ORC1: variants seen among roughly 807,000 people sequenced by gnomAD.
ORC1 encodes origin recognition complex subunit 1, also known as origin recognition complex, subunit 1 homolog.
In ORC1, 61 loss-of-function variants were observed where a neutral mutation model predicts 98.9. The ratio of observed to expected loss-of-function variants is 0.62; its 90% CI spans 0.50 to 0.76. ORC1 has a LOEUF of 0.76. ORC1 is among the 30% of genes least tolerant of loss of function. ORC1 has a pLI of 0.00. For missense variants in ORC1, 979 were observed against 1,072.2 expected, an observed-to-expected ratio of 0.91 and a Z score of 1.21; for synonymous variants, 385 against 406.9, an observed-to-expected ratio of 0.95 and a Z score of 0.65.
chr1:52,400,956 C>T (rs1447652429), intron 3 of ORC1, among the ~76,000 whole-genome samples: 1 of 152,214 alleles, frequency 6.6e-6, no homozygotes, highest in Non-Finnish European at 1.5e-5. Flanking sequence ...ATCCAACTTA[C>T]CTCTTCACTT....
At chr1:52,373,723 T>A (rs1646962884) in intron 16 of ORC1, among the ~76,000 whole-genome samples, 1 of 152,242 alleles carries the variant, frequency 6.6e-6, no homozygotes, top group African/African-American at 2.4e-5. Context: ...TCACTGGTGA[T>A]ACAAATAGTC....
chr1:52,373,380 A>G lies in ORC1; in HGVS notation c.2392-5T>C. 6.2e-7 allele frequency: 1 copy of G among 1,612,204 alleles called. No homozygotes were observed. Among genetic ancestry groups the G allele is most frequent in the Non-Finnish European group, 8.5e-7 (1 of 1,178,436 alleles). ...TGCCACATGTTGACTATATATCTAG[A>G]CACAAATAGCAAGGCAAAGGTTAAG... On this transcript the variant is annotated splice_region_variant and splice_polypyrimidine_tract_variant and intron_variant, in intron 16 of 16. Coordinates refer to ENST00000371568, the MANE Select transcript of ORC1 (RefSeq NM_004153.4).
In ORC1 at chr1:52,385,221, T is replaced by TCCCGACAGGGAAGAGACTCAGGTACAGCA; in HGVS notation, c.1494_1522dup (p.Glu508ValfsTer50). 6.2e-7 allele frequency: 1 copy of TCCCGACAGGGAAGAGACTCAGGTACAGCA among 1,614,056 alleles called. No individual in the cohort carries two copies. Among genetic ancestry groups the TCCCGACAGGGAAGAGACTCAGGTACAGCA allele is most frequent in the Non-Finnish European group, 8.5e-7 (1 of 1,179,884 alleles). On this transcript the variant is annotated frameshift_variant, in exon 10 of 17. Coordinates refer to ENST00000371568, the MANE Select transcript of ORC1 (RefSeq NM_004153.4). LOFTEE classifies it high-confidence loss of function. ...ATTGTAGATGTCTTGGAATTCCTGT[T>TCCCGACAGGGAAGAGACTCAGGTACAGCA]CCCGACAGGGAAGAGACTCAGGTAC...
chr1:52,397,597 G>T, intron 4 of ORC1, 88 bp downstream of exon 4: 1 of 1,218,476 alleles, frequency 8.2e-7, no homozygotes, highest in Non-Finnish European at 1.2e-6. Context: ...TGGGGTATTA[G>T]AGCCGGTAAT....
In ORC1 at chr1:52,388,806, T is replaced by C. The variant is rs116764812; in HGVS notation, c.1188-169A>G. On this transcript the variant is annotated intron_variant, in intron 7 of 16. Coordinates refer to ENST00000371568, the MANE Select transcript of ORC1 (RefSeq NM_004153.4). ...AGGAGCATTATTTATATTATCTCATTAAACCCCTCAACAACTTTATGACAT... is the reference window on the plus strand; with the variant it reads ...AGGAGCATTATTTATATTATCTCATCAAACCCCTCAACAACTTTATGACAT... Among the ~76,000 whole-genome samples the C allele has an allele frequency of 7.8e-3, 1,186 of 152,304 alleles. 18 individuals carry two copies. Among genetic ancestry groups the C allele is most frequent in the African/African-American group, 0.027 (1,128 of 41,556 alleles).
Position 52,383,583 on chromosome 1 carries a change from GGA to G in ORC1, c.1864-16_1864-15del. 1.9e-6 allele frequency: 3 copies of G among 1,614,014 alleles called. No homozygotes were observed. Among genetic ancestry groups the G allele is most frequent in the Non-Finnish European group, 2.5e-6 (3 of 1,179,978 alleles). ...CAGAAGGTCGAGCTGCCAGGGCAAA[GGA>G]GAGAGGTGCAGAGTCAATCACAGAG... On this transcript the variant is annotated splice_polypyrimidine_tract_variant and intron_variant, in intron 12 of 16. Transcript: ENST00000371568.
chr1:52,383,497 G>A lies in ORC1; in HGVS notation c.1936C>T (p.Arg646Trp), dbSNP rs537583215. The change falls in exon 13 of 17, where the codon CGG becomes TGG. Residue 646 changes from arginine to tryptophan, a missense_variant. Physicochemically the swap from Arg to Trp is moderately radical, Grantham distance 101. Transcript: ENST00000371568. ...LFDWPTHKEA[R>W]LVVLAIANTM... is the part of the protein sequence containing the mutation. ...TTGGCAATTGCCAGGACCACAAGCCGGGCCTCCTTATGAGTGGGCCAGTCA... is the reference window on the plus strand; with the variant it reads ...TTGGCAATTGCCAGGACCACAAGCCAGGCCTCCTTATGAGTGGGCCAGTCA... 12 of 1,613,582 alleles carry A rather than the reference G, an allele frequency of 7.4e-6. No homozygotes were observed. Among genetic ancestry groups the A allele is most frequent in the East Asian group, 2.2e-5 (1 of 44,894 alleles).
intron 8 of ORC1, among the ~76,000 whole-genome samples, chr1:52,387,626 T>A (rs1647161006): frequency 6.6e-6 from 1 of 152,048 alleles, no homozygotes; most frequent in African/African-American, 2.4e-5. Context: ...CCTGGCTAAT[T>A]TTTGTATTTT....
Position 52,385,897 on chromosome 1 carries a change from A to T in ORC1, c.1436T>A (p.Leu479Gln), listed in dbSNP as rs1287540797. The T allele has an allele frequency of 6.2e-7, 1 of 1,613,784 alleles. No homozygotes were observed. Among genetic ancestry groups the T allele is most frequent in the Non-Finnish European group, 8.5e-7 (1 of 1,180,020 alleles). Reference protein sequence around the residue: ...CAAPQIRSRSLAAQEPASVLE... With the variant: ...CAAPQIRSRSQAAQEPASVLE... ...CACACTGGCTGGCTCCTGGGCAGCCAGGCTTCGACTACGGATCTGAGGAGC... is the reference window on the plus strand; with the variant it reads ...CACACTGGCTGGCTCCTGGGCAGCCTGGCTTCGACTACGGATCTGAGGAGC... Residue 479 changes from leucine (L) to glutamine (Q), a missense_variant, in exon 9 of 17, where the codon CTG (leucine) becomes CAG (glutamine). Coordinates refer to ENST00000371568, the MANE Select transcript of ORC1 (RefSeq NM_004153.4).
At chr1:52,392,296 A>AT (rs1279805286) in intron 6 of ORC1, among the ~76,000 whole-genome samples, 2 of 151,972 alleles carry the variant, frequency 1.3e-5, no homozygotes, top group Non-Finnish European at 2.9e-5. Flanking sequence ...AGCCCGGCTA[A>AT]TTTTTTATGT....
At chr1:52,407,272 T>A (rs910453509), upstream of ORC1, among the ~76,000 whole-genome samples, 1 of 152,160 alleles carries the variant, frequency 6.6e-6, no homozygotes, top group African/African-American at 2.4e-5. Flanking sequence ...CTGCCTCGCC[T>A]CCCAAAGTGC....
chr1:52,386,146 G>A (rs1487870341), intron 8 of ORC1, among the ~76,000 whole-genome samples, 197 bp from the exon 9 acceptor site: 1 of 151,990 alleles, frequency 6.6e-6, no homozygotes, highest in African/African-American at 2.4e-5. Flanking sequence ...GTCCAAATAT[G>A]GTTTCTTTTT....
In ORC1 at chr1:52,385,280, C is replaced by A. The variant is rs367740707; in HGVS notation, c.1482-18G>T. 6.5e-7 allele frequency: 1 copy of A among 1,527,766 alleles called. No individual in the cohort carries two copies. Among genetic ancestry groups the A allele is most frequent in the African/African-American group, 1.4e-5 (1 of 73,118 alleles). 94.6% of individuals were successfully genotyped at this position (1,527,766 alleles called of 1,614,324 possible). A position where few individuals can be genotyped will look rare whatever the true frequency, so the allele number is the denominator to read the frequency against. On this transcript the variant is annotated intron_variant, in intron 9 of 16. Transcript: ENST00000371568. ...CATGCAGCCTACCATTGGTGGTAAA[C>A]GGGAGAAAAGGAAGACTTTAGGAAC...
chr1:52,391,863 A>G (rs1253404553), intron 6 of ORC1, among the ~76,000 whole-genome samples: 2 of 151,016 alleles, frequency 1.3e-5, no homozygotes, highest in Non-Finnish European at 2.9e-5. Context: ...GCACCACTGC[A>G]CTCTAGCCTG....
chr1:52,385,158 C>T lies in ORC1; in HGVS notation c.1583+3G>A. On this transcript the variant is annotated splice_donor_region_variant and intron_variant, in intron 10 of 16. Transcript: ENST00000371568. ...ACTACCCTGCCTGCCTCACATGACT[C>T]ACCCTCCGGTATGGTCAAGGAGTTT... 1 of 1,597,522 alleles carries T rather than the reference C, an allele frequency of 6.3e-7. No individual in the cohort carries two copies. The highest frequency in any genetic ancestry group is 1.1e-5 in the South Asian group (1 of 90,732).
At chr1:52,394,469 C>T (rs547012461) in intron 5 of ORC1, among the ~76,000 whole-genome samples, 13 of 152,284 alleles carry the variant, frequency 8.5e-5, no homozygotes, top group Admixed American at 3.3e-4. Flanking sequence ...ACAGATGATA[C>T]ACATGACTGC....
chr1:52,379,816 C>T, intron 14 of ORC1, among the ~76,000 whole-genome samples: 1 of 151,842 alleles, frequency 6.6e-6, no homozygotes, highest in East Asian at 2.0e-4. Flanking sequence ...ACCTATAGTC[C>T]CAGCTACTTG....
intron 13 of ORC1, among the ~76,000 whole-genome samples, chr1:52,382,330 T>G (rs1647082577): frequency 6.6e-6 from 1 of 152,168 alleles, no homozygotes; most frequent in Non-Finnish European, 1.5e-5. Flanking sequence ...GGACCTTTGA[T>G]TCTATCAGAA....
rs768606917 is a variant in ORC1, at chr1:52,396,102, C to T, written c.665G>A (p.Arg222His). The T allele has an allele frequency of 2.3e-5, 37 of 1,614,032 alleles. No homozygotes were observed. Among genetic ancestry groups the T allele is most frequent in the Admixed American group, 1.8e-4 (11 of 59,984 alleles). The change falls in exon 5 of 17, where the codon CGC becomes CAC. Residue 222 changes from arginine (R) to histidine (H), a missense_variant. Coordinates refer to ENST00000371568, the MANE Select transcript of ORC1 (RefSeq NM_004153.4). The part of the protein sequence containing the change: ...IESRHSASKS[R>H]QTPTHPLTPR... ...GGTAAGAGGATGGGTAGGAGTTTGG[C>T]GAGATTTGGAGGCGGAGTGCCTTGA...
Sources: gnomAD v4.1 joint callset for allele counts (sites outside exome capture counted in the v4.1 genomes callset) on GRCh38, gnomAD v4.1.1 for gene constraint, MANE v1.5 for transcripts, NCBI Gene and HGNC (gene_info 2026-07-23, HGNC 2026-07-21) for gene names.